The following CTNNA1 variants were observed in gnomAD, a reference collection of about 807,000 sequenced individuals.
CTNNA1 encodes the protein catenin alpha-1.
A neutral mutation model predicts 98.4 loss-of-function variants in CTNNA1; 37 were observed. That is an observed-to-expected ratio of 0.38 (90% CI 0.29 to 0.49). The LOEUF is 0.49. CTNNA1 is among the 20% of genes least tolerant of loss of function. The pLI is 0.95. For missense variants in CTNNA1, 761 were observed against 1,147.2 expected, an observed-to-expected ratio of 0.66 and a Z score of 4.86; for synonymous variants, 404 against 413.2, an observed-to-expected ratio of 0.98 and a Z score of 0.27.
chr5:138,914,668 T>G (rs1439294417), intron 10 of CTNNA1, among the ~76,000 whole-genome samples: 1 of 151,878 alleles, frequency 6.6e-6, no homozygotes, highest in East Asian at 1.9e-4. Flanking sequence ...ACCTCCAGCC[T>G]TTGGAGGGCT....
At chr5:138,876,550 C>G (rs568985910) in intron 7 of CTNNA1, among the ~76,000 whole-genome samples, 1 of 152,194 alleles carries the variant, frequency 6.6e-6, no homozygotes, top group African/African-American at 2.4e-5. Context: ...TTTTCTACAT[C>G]TTGCCTTATT....
At chr5:138,845,505 G>A (rs1162164565) in intron 7 of CTNNA1, among the ~76,000 whole-genome samples, 5 of 152,200 alleles carry the variant, frequency 3.3e-5, no homozygotes, top group African/African-American at 4.8e-5. Flanking sequence ...TGTTTGTCAC[G>A]TAGATAGTAT....
rs2150337545 is a variant in CTNNA1, at chr5:138,930,924, A to G, written c.2287A>G (p.Ile763Val). 1.2e-6 allele frequency: 2 copies of G among 1,612,304 alleles called. No homozygotes were observed. Among genetic ancestry groups the G allele is most frequent in the Non-Finnish European group, 1.7e-6 (2 of 1,178,340 alleles). ...CAGGATGGACAAGCTTGGCCGCACCATTGCAGACCATGTAAGTGACAGACT... is the reference window on the plus strand; with the variant it reads ...CAGGATGGACAAGCTTGGCCGCACCGTTGCAGACCATGTAAGTGACAGACT... The part of the protein sequence containing the change: ...GSRMDKLGRT[I>V]ADHCPDSACK... The change falls in exon 16 of 18, where the codon ATT becomes GTT. Residue 763 changes from isoleucine to valine, a missense_variant. Ile to Val is a conservative substitution (Grantham distance 29, BLOSUM62 3). Coordinates refer to ENST00000302763, the MANE Select transcript of CTNNA1 (RefSeq NM_001903.5).
intron 7 of CTNNA1, among the ~76,000 whole-genome samples, chr5:138,858,342 A>AT (rs1763918215): frequency 6.6e-6 from 1 of 151,922 alleles, no homozygotes; most frequent in Admixed American, 6.5e-5. Flanking sequence ...GCCCAGGCTG[A>AT]TCTTGAACTC....
At chr5:138,776,251 C>T (rs1474685522) in intron 1 of CTNNA1, among the ~76,000 whole-genome samples, 1 of 151,758 alleles carries the variant, frequency 6.6e-6, no homozygotes, top group Non-Finnish European at 1.5e-5. Flanking sequence ...TGACTCTTAA[C>T]GAGCATGCTG....
intron 16 of CTNNA1, 134 bp from the exon 17 acceptor site, chr5:138,932,444 A>T: frequency 6.8e-7 from 1 of 1,464,856 alleles, no homozygotes. Context: ...TGCCTCAGGT[A>T]ATTGGGTGAT....
At chr5:138,776,372 A>G (rs1754170346) in intron 1 of CTNNA1, among the ~76,000 whole-genome samples, 1 of 152,158 alleles carries the variant, frequency 6.6e-6, no homozygotes, top group Admixed American at 6.5e-5. Flanking sequence ...AAGGTCACCG[A>G]TCAACAGGAT....
chr5:138,875,788 T>C, intron 7 of CTNNA1: 2 of 921,918 alleles, frequency 2.2e-6, no homozygotes, highest in Non-Finnish European at 2.6e-6. Flanking sequence ...TGCCTTGTTG[T>C]CATGCTTGGT....
At chr5:138,815,882 G>C (rs1364583099) in intron 5 of CTNNA1, among the ~76,000 whole-genome samples, 1 of 152,104 alleles carries the variant, frequency 6.6e-6, no homozygotes, top group Non-Finnish European at 1.5e-5. Context: ...CTTGGGCCTT[G>C]GTGTATATTC....
In CTNNA1 at chr5:138,874,397, A is replaced by G. The variant is rs1179069187; in HGVS notation, c.1063-11815A>G. 2 of 1,613,818 alleles carry G rather than the reference A, an allele frequency of 1.2e-6. No homozygotes were observed. The highest frequency in any genetic ancestry group is 2.7e-5 in the African/African-American group (2 of 74,898). On this transcript the variant is annotated intron_variant, in intron 7 of 17. Transcript: ENST00000302763. This position sits in a 1 kb window ranked among gnomAD's most constrained non-coding sequence, Gnocchi z 4.1. ...AGAGCCCTTGTCTGTGGCGTTTGGC[A>G]CTGAGTGGAAGCCCTGAGAGTCGCA...
chr5:138,926,609 C>T (rs772447632), intron 13 of CTNNA1, among the ~76,000 whole-genome samples: 1 of 152,238 alleles, frequency 6.6e-6, no homozygotes, highest in Non-Finnish European at 1.5e-5. Flanking sequence ...GGGCATTGCT[C>T]TCGGTGCTTC....
intron 10 of CTNNA1, among the ~76,000 whole-genome samples, chr5:138,910,711 A>T (rs901402618): frequency 2.0e-5 from 3 of 152,176 alleles, no homozygotes; most frequent in African/African-American, 7.2e-5. Flanking sequence ...ATGTATAAAC[A>T]AAGACCTGAA....
At chr5:138,853,660 G>A (rs1360798666) in intron 7 of CTNNA1, among the ~76,000 whole-genome samples, 1 of 152,168 alleles carries the variant, frequency 6.6e-6, no homozygotes. Context: ...CACAGAAGCA[G>A]AAGAACTAGG....
intron 1 of CTNNA1, among the ~76,000 whole-genome samples, chr5:138,775,626 T>G (rs946145831): frequency 2.6e-5 from 4 of 152,140 alleles, no homozygotes; most frequent in Non-Finnish European, 4.4e-5. Context: ...TTGTCAATTG[T>G]CTCAATGTTT....
chr5:138,795,034 C>A (rs1756785192), intron 3 of CTNNA1, among the ~76,000 whole-genome samples: 1 of 151,290 alleles, frequency 6.6e-6, no homozygotes, highest in South Asian at 2.1e-4. Context: ...CCTGTAGCCC[C>A]ATCTACTCAA....
chr5:138,809,869 A>T (rs1413381457), intron 3 of CTNNA1, among the ~76,000 whole-genome samples, 169 bp from the exon 4 acceptor site: 1 of 152,064 alleles, frequency 6.6e-6, no homozygotes, highest in Non-Finnish European at 1.5e-5. Flanking sequence ...TTTTTTAGTG[A>T]TAGCTATAAA....
At chr5:138,797,642 C>T (rs936168466) in intron 3 of CTNNA1, among the ~76,000 whole-genome samples, 2 of 151,988 alleles carry the variant, frequency 1.3e-5, no homozygotes, top group African/African-American at 4.8e-5. Context: ...TAACTTTGCC[C>T]TATTTATTGA....
At chr5:138,760,245 C>T (rs11749669) in intron 1 of CTNNA1, among the ~76,000 whole-genome samples, 7 of 151,966 alleles carry the variant, frequency 4.6e-5, no homozygotes, top group South Asian at 4.1e-4. Context: ...CCACCCGCCT[C>T]GGCCTACCAA....
chr5:138,846,226 A>G (rs2149831715), intron 7 of CTNNA1, among the ~76,000 whole-genome samples: 1 of 152,336 alleles, frequency 6.6e-6, no homozygotes, highest in South Asian at 2.1e-4. Flanking sequence ...TGCTGGGATT[A>G]CAGGCGCGAG....
Sources: allele counts gnomAD v4.1 joint callset (sites outside exome capture counted in the v4.1 genomes callset), GRCh38; gene constraint gnomAD v4.1.1; non-coding constraint Gnocchi (gnomAD v3.1); transcripts MANE v1.5; gene names NCBI Gene and HGNC (gene_info 2026-07-23, HGNC 2026-07-21).